TTLL7: variants seen among roughly 807,000 people sequenced by gnomAD.
TTLL7 encodes tubulin tyrosine ligase like 7.
In TTLL7, 53 loss-of-function variants were observed where a neutral mutation model predicts 120.2. That is an observed-to-expected ratio of 0.44 (90% CI 0.35 to 0.55). The LOEUF is 0.55. Among genes scored for constraint, TTLL7 ranks in the 20% least tolerant of loss-of-function variants. The pLI is 0.00. For synonymous variants in TTLL7, 353 were observed against 351.7 expected, an observed-to-expected ratio of 1.00 and a Z score of -0.04; for missense variants, 803 against 1,054.7, an observed-to-expected ratio of 0.76 and a Z score of 3.31.
chr1:83,954,271 G>C (rs1159131397), intron 1 of TTLL7, among the ~76,000 whole-genome samples: 1 of 151,904 alleles, frequency 6.6e-6, no homozygotes, highest in African/African-American at 2.4e-5. Context: ...TTTGTACAGA[G>C]TTCAAAACAA....
chr1:83,881,402 A>G (rs1654454268), intron 20 of TTLL7, among the ~76,000 whole-genome samples: 1 of 150,630 alleles, frequency 6.6e-6, no homozygotes, highest in African/African-American at 2.4e-5. Flanking sequence ...CAAGAAAAAA[A>G]CAACCCCATC....
At chr1:83,929,302 G>A (rs546919842) in intron 9 of TTLL7, 72 bp from the exon 10 acceptor site, 3 of 1,168,922 alleles carry the variant, frequency 2.6e-6, no homozygotes, top group Admixed American at 2.0e-5. Context: ...TCCAATGTGG[G>A]ATCTCTAGCC....
At chr1:83,910,817 A>G (rs1357602778) in intron 15 of TTLL7, among the ~76,000 whole-genome samples, 1 of 152,196 alleles carries the variant, frequency 6.6e-6, no homozygotes, top group Non-Finnish European at 1.5e-5. Flanking sequence ...TGAAGGAAGT[A>G]GAGAGGCAGA....
At chr1:83,951,618 G>C (rs191554833) in intron 3 of TTLL7, among the ~76,000 whole-genome samples, 1 of 152,258 alleles carries the variant, frequency 6.6e-6, no homozygotes, top group East Asian at 1.9e-4. Context: ...ATCATATTAA[G>C]TGTTTGAACT....
chr1:83,932,076 T>C (rs935703555), intron 9 of TTLL7, among the ~76,000 whole-genome samples: 6 of 152,168 alleles, frequency 3.9e-5, no homozygotes, highest in African/African-American at 1.4e-4. Context: ...ATGCAAACAA[T>C]GGTTATTTTG....
chr1:83,985,003 T>C (rs1407172725), intron 1 of TTLL7, among the ~76,000 whole-genome samples: 1 of 152,236 alleles, frequency 6.6e-6, no homozygotes, highest in Non-Finnish European at 1.5e-5. Flanking sequence ...AAGGATTTTG[T>C]ATTAGTCATG....
At chr1:83,878,649 G>C (rs1417100763) in intron 20 of TTLL7, among the ~76,000 whole-genome samples, 1 of 151,940 alleles carries the variant, frequency 6.6e-6, no homozygotes, top group Admixed American at 6.6e-5. Context: ...TCAGAGGCAG[G>C]ATTTATCCAA....
intron 20 of TTLL7, chr1:83,879,890 T>C (rs1654291789): frequency 1.3e-5 from 2 of 152,126 alleles, no homozygotes; most frequent in East Asian, 1.9e-4. Context: ...CTGTAAAACA[T>C]ACCTTTTTCC....
In TTLL7 at chr1:83,952,368, G is replaced by T. The variant is rs1394340440; in HGVS notation, c.-157C>A. 7.3e-6 allele frequency: 5 copies of T among 684,774 alleles called. No homozygotes were observed. The highest frequency in any genetic ancestry group is 1.1e-5 in the Non-Finnish European group (5 of 441,044). 42.4% of individuals were successfully genotyped at this position (684,774 alleles called of 1,614,324 possible). A position where few individuals can be genotyped will look rare whatever the true frequency, so the allele number is the denominator to read the frequency against. On this transcript the variant is annotated 5_prime_UTR_variant, in exon 2 of 21. Coordinates refer to ENST00000260505, the MANE Select transcript of TTLL7 (RefSeq NM_024686.6). The stretch of plus-strand genomic sequence containing the variant: ...AATCCTCAGATTTCAGGATACCAAA[G>T]TTATGGGATAACAAGGTACCTGCAG...
In TTLL7 at chr1:83,911,345, C is replaced by T. The variant is rs1657657946; in HGVS notation, c.1606G>A (p.Glu536Lys). 1 of 1,612,882 alleles carries T rather than the reference C, an allele frequency of 6.2e-7. No homozygotes were observed. Among genetic ancestry groups the T allele is most frequent in the Middle Eastern group, 1.7e-4 (1 of 6,052 alleles). The change falls in exon 15 of 21, where the codon GAG becomes AAG. Residue 536 changes from glutamate to lysine, a missense_variant. Glu to Lys is a moderately conservative substitution (Grantham distance 56). Coordinates refer to ENST00000260505, the MANE Select transcript of TTLL7 (RefSeq NM_024686.6). ...GGTCTTTTCATTATCTCAGTACTCT[C>T]AGGCATAGAACACAGAGGCTAAAAA... is the stretch of plus-strand genomic sequence containing the variant. ...RGPKPLCSMPESTEIMKRPKY... is the reference protein window; with the variant it reads ...RGPKPLCSMPKSTEIMKRPKY...
At chr1:83,991,007 T>C (rs142771295) in intron 1 of TTLL7, among the ~76,000 whole-genome samples, 2 of 152,306 alleles carry the variant, frequency 1.3e-5, no homozygotes, top group Non-Finnish European at 2.9e-5. Context: ...GGAATAGTAT[T>C]CAGCTTTAAA....
intron 5 of TTLL7, among the ~76,000 whole-genome samples, chr1:83,947,872 T>A (rs1648658354): frequency 6.6e-6 from 1 of 152,152 alleles, no homozygotes; most frequent in South Asian, 2.1e-4. Flanking sequence ...TGTCTTCTTT[T>A]TTTAAAAAAT....
At chr1:83,991,549 T>C (rs1447652538) in intron 1 of TTLL7, among the ~76,000 whole-genome samples, 2 of 151,922 alleles carry the variant, frequency 1.3e-5, no homozygotes, top group East Asian at 3.9e-4. Context: ...GGGGCTGAGG[T>C]GGGAGGATCG....
intron 13 of TTLL7, 120 bp from the exon 14 acceptor site, chr1:83,917,810 G>T: frequency 3.0e-6 from 2 of 661,154 alleles, no homozygotes; most frequent in Non-Finnish European, 5.2e-6. Context: ...AGTGAAGATT[G>T]CTCAGAAAAA....
intron 1 of TTLL7, among the ~76,000 whole-genome samples, chr1:83,975,270 C>T (rs1032907273): frequency 2.6e-5 from 4 of 152,124 alleles, no homozygotes; most frequent in Non-Finnish European, 5.9e-5. Context: ...ACTTTCTAAG[C>T]TAATGGGTCT....
chr1:83,941,681 A>G (rs1647980011), intron 7 of TTLL7, among the ~76,000 whole-genome samples: 1 of 152,222 alleles, frequency 6.6e-6, no homozygotes, highest in African/African-American at 2.4e-5. Flanking sequence ...GTAATTCCAA[A>G]AATAGGTTTA....
chr1:83,909,498 A>G (rs560816501), intron 15 of TTLL7, among the ~76,000 whole-genome samples: 49 of 152,092 alleles, frequency 3.2e-4, no homozygotes, highest in Non-Finnish European at 4.1e-4. Context: ...ACAAAACTCA[A>G]GTAGGATTTC....
chr1:83,984,921 C>CAAAAT (rs544253529), intron 1 of TTLL7, among the ~76,000 whole-genome samples: 29 of 151,426 alleles, frequency 1.9e-4, no homozygotes, highest in Admixed American at 1.1e-3. Context: ...CCCTTGTATC[C>CAAAAT]AAAATAAAAT....
chr1:83,951,125 G>A (rs1479350618), intron 3 of TTLL7, among the ~76,000 whole-genome samples: 3 of 152,058 alleles, frequency 2.0e-5, no homozygotes, highest in East Asian at 1.9e-4. Context: ...CAAGGTGGGC[G>A]GATAACGAGG....
Sources: allele counts gnomAD v4.1 joint callset (sites outside exome capture counted in the v4.1 genomes callset), GRCh38; gene constraint gnomAD v4.1.1; transcripts MANE v1.5; gene names NCBI Gene and HGNC (gene_info 2026-07-23, HGNC 2026-07-21).